SHISA9: variants seen among roughly 807,000 people sequenced by gnomAD.
The protein encoded by SHISA9 is protein shisa-9.
In SHISA9, 13 loss-of-function variants were observed where a neutral mutation model predicts 38.0. The observed-to-expected ratio is 0.34, with a 90% CI of 0.22 to 0.54. SHISA9 has a LOEUF of 0.54. SHISA9 is among the 20% of genes least tolerant of loss of function. The pLI is 0.91. For missense variants in SHISA9, 538 were observed against 575.8 expected (o/e 0.93, Z 0.67); for synonymous variants, 275 against 242.0 (o/e 1.14, Z -1.27).
the SHISA9 span, among the ~76,000 whole-genome samples, chr16:13,318,287 C>T: frequency 6.6e-6 from 1 of 152,084 alleles, no homozygotes; most frequent in African/African-American, 2.4e-5. Flanking sequence ...GTAGCAAATA[C>T]CCTTCCCTTT....
chr16:13,058,019 T>G (rs1449230157), intron 2 of SHISA9, among the ~76,000 whole-genome samples: 1 of 152,212 alleles, frequency 6.6e-6, no homozygotes, highest in Admixed American at 6.5e-5. Context: ...CCATGGTGAA[T>G]ATGTTAAATA....
At chr16:13,140,738 A>C (rs1413944068) in intron 2 of SHISA9, among the ~76,000 whole-genome samples, 1 of 152,186 alleles carries the variant, frequency 6.6e-6, no homozygotes, top group Non-Finnish European at 1.5e-5. Flanking sequence ...TGTGGACAGC[A>C]GTGATGGGAG....
chr16:13,095,838 G>A (rs897039985), intron 2 of SHISA9, among the ~76,000 whole-genome samples: 1 of 152,254 alleles, frequency 6.6e-6, no homozygotes, highest in East Asian at 1.9e-4. Flanking sequence ...ACTTGAGCGA[G>A]CATGCATCAG....
chr16:13,303,472 A>G, the SHISA9 span, among the ~76,000 whole-genome samples: 1 of 152,222 alleles, frequency 6.6e-6, no homozygotes, highest in Non-Finnish European at 1.5e-5. Flanking sequence ...CGAAAATATT[A>G]AGTGAAAGAA....
intron 3 of SHISA9, among the ~76,000 whole-genome samples, chr16:13,208,433 C>CTTTTTTTTTTTTTT (rs148636082): frequency 1.7e-5 from 2 of 119,878 alleles, no homozygotes; most frequent in African/African-American, 3.3e-5. Flanking sequence ...CTTTCTTTTT[C>CTTTTTTTTTTTTTT]TTTTTTTTTC....
chr16:13,003,852 C>T lies in SHISA9; in HGVS notation c.691+87037C>T, dbSNP rs540259701. Among the ~76,000 whole-genome samples the T allele has an allele frequency of 2.2e-4, 30 of 139,298 alleles. No individual in the cohort carries two copies. The East Asian group carries it at 4.1e-3, about 19-fold the overall frequency. The allele number at this position is 139,298 out of a possible 152,430, so 91.4% of individuals were successfully genotyped here. On this transcript the variant is annotated intron_variant, in intron 2 of 4. Coordinates refer to ENST00000558583, the MANE Select transcript of SHISA9 (RefSeq NM_001145204.3). ...CAACCTGGACGACAGAGCGAGACTC[C>T]GTCTCAAAATAATAATAATAATAAT...
At chr16:13,019,937 TTCTTTC>T (rs2072824602) in intron 2 of SHISA9, among the ~76,000 whole-genome samples, 2 of 89,038 alleles carry the variant, frequency 2.2e-5, no homozygotes, top group Non-Finnish European at 5.1e-5. Flanking sequence ...CTTTCTTTCT[TTCTTTC>T]TTTCTTTCTT....
chr16:13,444,602 G>A, the SHISA9 span, among the ~76,000 whole-genome samples: 3 of 152,084 alleles, frequency 2.0e-5, no homozygotes, highest in Non-Finnish European at 1.5e-5. Flanking sequence ...CTATGTGTGA[G>A]CAACACCAAA....
chr16:13,118,472 T>C (rs984948773), intron 2 of SHISA9, among the ~76,000 whole-genome samples: 1 of 152,150 alleles, frequency 6.6e-6, no homozygotes, highest in Non-Finnish European at 1.5e-5. Flanking sequence ...ATTCTTGTCT[T>C]CTTAATTCCT....
intron 1 of SHISA9, among the ~76,000 whole-genome samples, chr16:12,906,292 G>T (rs1211856259): frequency 6.6e-6 from 1 of 152,202 alleles, no homozygotes; most frequent in African/African-American, 2.4e-5. Flanking sequence ...AAAGTATGTT[G>T]TCGCACCCCC....
At chr16:13,355,336 T>A in the SHISA9 span, among the ~76,000 whole-genome samples, 7 of 151,888 alleles carry the variant, frequency 4.6e-5, no homozygotes, top group Non-Finnish European at 5.9e-5. Context: ...GTAAGGGTGA[T>A]TAGATTTTAA....
chr16:13,212,854 T>C (rs1218682326), intron 3 of SHISA9, among the ~76,000 whole-genome samples: 1 of 152,336 alleles, frequency 6.6e-6, no homozygotes, highest in East Asian at 1.9e-4. Context: ...GATCAAAGTC[T>C]ATCTCTTGTC....
intron 4 of SHISA9, among the ~76,000 whole-genome samples, chr16:13,219,423 T>C (rs1043662501): frequency 1.3e-5 from 2 of 152,196 alleles, no homozygotes; most frequent in African/African-American, 2.4e-5. Flanking sequence ...GAAACCTGTA[T>C]TCTAGACCCA....
At chr16:13,273,272 C>G in the SHISA9 span, among the ~76,000 whole-genome samples, 3 of 152,310 alleles carry the variant, frequency 2.0e-5, no homozygotes, top group South Asian at 4.1e-4. Context: ...ATTTCAAAAT[C>G]TCAGATCTGT....
chr16:13,290,060 G>A, the SHISA9 span, among the ~76,000 whole-genome samples: 2 of 152,132 alleles, frequency 1.3e-5, no homozygotes, highest in Admixed American at 6.5e-5. Flanking sequence ...TGGAGATTCA[G>A]CATTGAACAT....
chr16:13,174,917 A>G (rs539132841), intron 2 of SHISA9, among the ~76,000 whole-genome samples: 10 of 152,334 alleles, frequency 6.6e-5, no homozygotes, highest in African/African-American at 2.4e-4. Flanking sequence ...TCCATAAAAG[A>G]CTTAGGCAAA....
At chr16:13,098,965 T>A (rs2073853231) in intron 2 of SHISA9, among the ~76,000 whole-genome samples, 1 of 152,246 alleles carries the variant, frequency 6.6e-6, no homozygotes, top group African/African-American at 2.4e-5. Flanking sequence ...AAGGATTGTA[T>A]ACAGGTGGGG....
At chr16:13,542,981 T>A in the SHISA9 span, among the ~76,000 whole-genome samples, 1 of 152,216 alleles carries the variant, frequency 6.6e-6, no homozygotes, top group South Asian at 2.1e-4. Flanking sequence ...ATTTTAACCT[T>A]AGTCTGTCTG....
At chr16:13,559,813 C>G in the SHISA9 span, among the ~76,000 whole-genome samples, 1 of 152,292 alleles carries the variant, frequency 6.6e-6, no homozygotes. Context: ...TCAATAAATG[C>G]TGACAGGCTG....
Sources: gnomAD v4.1 joint callset for allele counts (sites outside exome capture counted in the v4.1 genomes callset) on GRCh38, gnomAD v4.1.1 for gene constraint, MANE v1.5 for transcripts, NCBI Gene and HGNC (gene_info 2026-07-23, HGNC 2026-07-21) for gene names.